EZH2: variants seen among roughly 807,000 people sequenced by gnomAD.
The protein encoded by EZH2 is histone-lysine N-methyltransferase EZH2.
A neutral mutation model predicts 98.4 loss-of-function variants in EZH2; 18 were observed. The observed-to-expected ratio is 0.18, with a 90% CI of 0.13 to 0.27. EZH2 has a LOEUF of 0.27. Among genes scored for constraint, EZH2 ranks in the 10% least tolerant of loss-of-function variants. The probability of loss-of-function intolerance (pLI) is 1.00; values close to 1 mark genes in which losing one functional copy is unlikely to be tolerated. For missense variants in EZH2, 470 were observed against 935.1 expected, an observed-to-expected ratio of 0.50 and a Z score of 6.49; for synonymous variants, 338 against 312.3, an observed-to-expected ratio of 1.08 and a Z score of -0.87.
chr7:148,814,353 C>T (rs1040927245), intron 14 of EZH2, among the ~76,000 whole-genome samples: 5 of 151,736 alleles, frequency 3.3e-5, no homozygotes, highest in Non-Finnish European at 7.4e-5. Context: ...TTCCATTTTT[C>T]ATTTGTTAAA....
At chr7:148,818,568 C>T (rs1322226454) in intron 9 of EZH2, among the ~76,000 whole-genome samples, 1 of 152,184 alleles carries the variant, frequency 6.6e-6, no homozygotes, top group Non-Finnish European at 1.5e-5. Context: ...ATGCATACCT[C>T]TTCGTGTTAA....
chr7:148,880,594 A>T (rs1007177738), intron 1 of EZH2, among the ~76,000 whole-genome samples: 1 of 152,208 alleles, frequency 6.6e-6, no homozygotes, highest in African/African-American at 2.4e-5. Context: ...ACAGATTATA[A>T]CTAGGAAAAA....
chr7:148,883,717 G>A (rs80052686), intron 1 of EZH2, among the ~76,000 whole-genome samples: 1 of 151,536 alleles, frequency 6.6e-6, no homozygotes, highest in Admixed American at 6.6e-5. Context: ...GTGCGGACTC[G>A]GCGGCTGGGT....
At chr7:148,837,001 C>A (rs764163093) in intron 3 of EZH2, 1 of 495,428 alleles carries the variant, frequency 2.0e-6, no homozygotes, top group South Asian at 1.5e-5. Flanking sequence ...GGTGAATGGC[C>A]TGCAGGGAAG....
chr7:148,823,345 G>A (rs1166857665), intron 8 of EZH2, among the ~76,000 whole-genome samples: 1 of 152,196 alleles, frequency 6.6e-6, no homozygotes, highest in Non-Finnish European at 1.5e-5. Context: ...GTCACCATTA[G>A]AGACCAGTCC....
intron 3 of EZH2, among the ~76,000 whole-genome samples, chr7:148,841,281 T>C (rs1343828891): frequency 1.3e-5 from 2 of 152,068 alleles, no homozygotes. Flanking sequence ...TAAGAAATGT[T>C]ACATCTATTT....
chr7:148,868,720 C>G (rs1818899800), intron 1 of EZH2, among the ~76,000 whole-genome samples: 1 of 151,836 alleles, frequency 6.6e-6, no homozygotes, highest in Non-Finnish European at 1.5e-5. Flanking sequence ...TTTTGGTAGT[C>G]TAGATTTAAA....
intron 1 of EZH2, among the ~76,000 whole-genome samples, chr7:148,855,291 C>T: frequency 6.6e-6 from 1 of 152,238 alleles, no homozygotes; most frequent in East Asian, 1.9e-4. Flanking sequence ...CTCTATTTCA[C>T]ACCAAATTCC....
chr7:148,878,735 C>CA (rs1253568762), intron 1 of EZH2, among the ~76,000 whole-genome samples: 2 of 151,484 alleles, frequency 1.3e-5, no homozygotes, highest in Non-Finnish European at 2.9e-5. Context: ...CCTGTCTCTA[C>CA]AAAAAATACA....
chr7:148,859,428 C>T (rs1202219876), intron 1 of EZH2, among the ~76,000 whole-genome samples: 1 of 152,026 alleles, frequency 6.6e-6, no homozygotes. Context: ...ATCACTTGAG[C>T]CCAGGAAGCA....
chr7:148,815,567 T>C, intron 12 of EZH2, 21 bp from the exon 13 acceptor site: 1 of 1,612,730 alleles, frequency 6.2e-7, no homozygotes, highest in Non-Finnish European at 8.5e-7. Context: ...ACAAAGAAAA[T>C]TAAACCAAAT....
chr7:148,874,409 A>T (rs1819891201), intron 1 of EZH2, among the ~76,000 whole-genome samples: 1 of 152,036 alleles, frequency 6.6e-6, no homozygotes, highest in East Asian at 1.9e-4. Flanking sequence ...CAAAGAAAAA[A>T]AAAACACCTA....
Position 148,816,722 on chromosome 7 carries a change from A to G in EZH2, c.1467T>C (p.Asp489=), listed in dbSNP as rs1188617054. 1.9e-6 allele frequency: 3 copies of G among 1,614,116 alleles called. No homozygotes were observed. The highest frequency in any genetic ancestry group is 1.7e-5 in the Admixed American group (1 of 60,016). Residue 489 remains aspartate (D), a synonymous_variant, in exon 12 of 20, where the codon GAT becomes GAC. Coordinates refer to ENST00000320356, the MANE Select transcript of EZH2 (RefSeq NM_004456.5). ...SSIIAPAPAE[D]VDTPPRKKKR... The stretch of plus-strand genomic sequence containing the variant: ...TCTTTTTCCTTGGAGGAGTATCCAC[A>G]TCCTCAGCGGGAGCTGGAGCTATGA...
intron 1 of EZH2, among the ~76,000 whole-genome samples, chr7:148,864,541 C>T (rs1484446102): frequency 7.9e-5 from 12 of 151,704 alleles, no homozygotes; most frequent in African/African-American, 2.7e-4. Flanking sequence ...ATTAGCCAGG[C>T]GTGATGGCAT....
intron 1 of EZH2, among the ~76,000 whole-genome samples, chr7:148,856,449 T>C (rs948899368): frequency 6.6e-6 from 1 of 152,178 alleles, no homozygotes; most frequent in Non-Finnish European, 1.5e-5. Context: ...GCAGGTTAGC[T>C]GAAATACCTG....
intron 11 of EZH2, 111 bp downstream of exon 11, chr7:148,817,111 A>T: frequency 1.0e-6 from 1 of 977,266 alleles, no homozygotes. Context: ...TATTTTTAGG[A>T]GATGAATAGG....
At chr7:148,847,396 T>C in intron 1 of EZH2, 91 bp from the exon 2 acceptor site, 1 of 1,496,396 alleles carries the variant, frequency 6.7e-7, no homozygotes, top group Non-Finnish European at 9.1e-7. Flanking sequence ...TAACAATCAG[T>C]GAAGAAATGA....
chr7:148,876,728 G>T (rs912759103), intron 1 of EZH2, among the ~76,000 whole-genome samples: 1 of 152,128 alleles, frequency 6.6e-6, no homozygotes, highest in African/African-American at 2.4e-5. Context: ...TTAGAGCAAG[G>T]GGCAGCAAAC....
chr7:148,849,349 A>G (rs1181147712), intron 1 of EZH2, among the ~76,000 whole-genome samples: 1 of 152,230 alleles, frequency 6.6e-6, no homozygotes, highest in Non-Finnish European at 1.5e-5. Flanking sequence ...TGAGCAAGAG[A>G]AAGCTGGACA....
Sources: allele counts gnomAD v4.1 joint callset (sites outside exome capture counted in the v4.1 genomes callset), GRCh38; gene constraint gnomAD v4.1.1; transcripts MANE v1.5; gene names NCBI Gene and HGNC (gene_info 2026-07-23, HGNC 2026-07-21).